The following CAMK2B variants were observed in gnomAD, a reference collection of about 807,000 sequenced individuals.
CAMK2B encodes calcium/calmodulin-dependent protein kinase type II subunit beta.
CAMK2B carries 27 observed loss-of-function variants against 93.7 expected under a neutral mutation model. That is an observed-to-expected ratio of 0.29 (90% CI 0.21 to 0.40). The LOEUF is 0.40. Among genes scored for constraint, CAMK2B ranks in the 10% least tolerant of loss-of-function variants. The probability of loss-of-function intolerance (pLI) is 1.00; values close to 1 mark genes in which losing one functional copy is unlikely to be tolerated. For missense variants in CAMK2B, 568 were observed against 895.8 expected (o/e 0.63, Z 4.67); for synonymous variants, 374 against 358.8 (o/e 1.04, Z -0.48).
At chr7:44,259,486 A>C (rs2096861927) in intron 3 of CAMK2B, 2 of 154,262 alleles carry the variant, frequency 1.3e-5, no homozygotes, top group Non-Finnish European at 2.9e-5. Flanking sequence ...ACATCATCCA[A>C]AATTTTGGGC....
intron 5 of CAMK2B, among the ~76,000 whole-genome samples, chr7:44,251,351 G>C (rs1393853586): frequency 1.3e-5 from 2 of 152,122 alleles, no homozygotes; most frequent in Admixed American, 6.5e-5. Flanking sequence ...GCCTCTGTCA[G>C]ACTCTCCACC....
At chr7:44,325,331 C>G in intron 1 of CAMK2B, 26 bp downstream of exon 1, 2 of 1,216,372 alleles carry the variant, frequency 1.6e-6, no homozygotes, top group Admixed American at 5.9e-5. Flanking sequence ...GTCCCCGGCC[C>G]AGCCCGCGCG....
Position 44,224,253 on chromosome 7 carries a change from ACCCCAGCTCAACCCAGC to A in CAMK2B, c.1597+2246_1597+2262del, listed in dbSNP as rs149144486. The stretch of plus-strand genomic sequence containing the variant: ...TGCCCTGCGGAATGGCGCTGCCCAG[ACCCCAGCTCAACCCAGC>A]CCCCACTCTGCCTCCCCACATAGCA... On this transcript the variant is annotated intron_variant, in intron 20 of 23. Transcript: ENST00000395749. This position sits in a 1 kb window ranked among gnomAD's most constrained non-coding sequence, Gnocchi z 4.4. 0.054 allele frequency among the ~76,000 whole-genome samples: 8,159 copies of A among 152,150 alleles called. 276 individuals are homozygous for A. The highest frequency in any genetic ancestry group is 0.086 in the East Asian group (443 of 5,168).
intron 1 of CAMK2B, among the ~76,000 whole-genome samples, chr7:44,293,341 T>C (rs1007183070): frequency 2.0e-5 from 3 of 152,244 alleles, no homozygotes; most frequent in Admixed American, 1.3e-4. Flanking sequence ...AATAAGCTCA[T>C]GACAAATTCC....
chr7:44,252,355 C>T (rs983275960), intron 5 of CAMK2B, among the ~76,000 whole-genome samples: 1 of 151,822 alleles, frequency 6.6e-6, no homozygotes, highest in African/African-American at 2.4e-5. Context: ...GACTCCTAAA[C>T]CACACAGGGG....
intron 16 of CAMK2B, among the ~76,000 whole-genome samples, chr7:44,231,519 C>T (rs1283780564): frequency 2.0e-5 from 3 of 152,216 alleles, no homozygotes; most frequent in African/African-American, 7.2e-5. Flanking sequence ...TTTGAAATTC[C>T]AAGACGTAAA....
intron 1 of CAMK2B, among the ~76,000 whole-genome samples, chr7:44,302,598 A>T (rs990637386): frequency 1.3e-5 from 2 of 152,204 alleles, no homozygotes; most frequent in Non-Finnish European, 2.9e-5. Context: ...GTCTTGTTCA[A>T]TATTCAAAAA....
intron 20 of CAMK2B, among the ~76,000 whole-genome samples, chr7:44,223,893 C>T (rs1054437316): frequency 5.9e-5 from 9 of 152,224 alleles, no homozygotes; most frequent in Admixed American, 5.2e-4. Context: ...GCCCCTCCCA[C>T]TCCACAGGGG....
intron 2 of CAMK2B, among the ~76,000 whole-genome samples, chr7:44,278,721 A>G (rs2097074742): frequency 6.6e-6 from 1 of 152,172 alleles, no homozygotes; most frequent in African/African-American, 2.4e-5. Flanking sequence ...GTCACCGCCC[A>G]CCCCAAGAGG....
At position 44,311,057 on chromosome 7, in the gene CAMK2B, A is replaced by C. The variant is rs1041829348; in HGVS notation, c.65+14300T>G. Among the ~76,000 whole-genome samples the C allele has an allele frequency of 4.6e-5, 7 of 152,134 alleles. No individual in the cohort carries two copies. The highest frequency in any genetic ancestry group is 1.7e-4 in the African/African-American group (7 of 41,422). On this transcript the variant is annotated intron_variant, in intron 1 of 23. Transcript: ENST00000395749. This position sits in a 1 kb window ranked among gnomAD's most constrained non-coding sequence, Gnocchi z 4.2. Reference sequence around the variant, plus strand: ...CTGGTACTTGCAATGCTGTCTTTAAAATCTGGTTTTTATTTTTATTATTTT... The same window carrying C: ...CTGGTACTTGCAATGCTGTCTTTAACATCTGGTTTTTATTTTTATTATTTT...
At chr7:44,267,665 G>A (rs920448549) in intron 2 of CAMK2B, among the ~76,000 whole-genome samples, 21 of 152,134 alleles carry the variant, frequency 1.4e-4, no homozygotes, top group Admixed American at 1.3e-3. Flanking sequence ...TAAGAGAGAC[G>A]CTGGCAAAAG....
At chr7:44,265,213 C>T (rs551789502) in intron 2 of CAMK2B, among the ~76,000 whole-genome samples, 11 of 152,366 alleles carry the variant, frequency 7.2e-5, no homozygotes, top group South Asian at 4.1e-4. Context: ...CTTCTTCTGA[C>T]GCGTGTGTAA....
intron 20 of CAMK2B, among the ~76,000 whole-genome samples, chr7:44,222,088 A>G (rs2096415113): frequency 6.6e-6 from 1 of 152,108 alleles, no homozygotes; most frequent in South Asian, 2.1e-4. Context: ...ACACTCACAC[A>G]CAGAACACAC....
chr7:44,282,135 C>T (rs1489854051), intron 2 of CAMK2B, among the ~76,000 whole-genome samples: 1 of 152,250 alleles, frequency 6.6e-6, no homozygotes, highest in Non-Finnish European at 1.5e-5. Flanking sequence ...CACCCTGTGA[C>T]AGGCAGGGAG....
intron 1 of CAMK2B, among the ~76,000 whole-genome samples, chr7:44,291,548 G>T (rs1425442654): frequency 1.3e-5 from 2 of 152,176 alleles, no homozygotes; most frequent in African/African-American, 4.8e-5. Context: ...AGCCTGGGCC[G>T]GCATCCAAGC....
intron 1 of CAMK2B, among the ~76,000 whole-genome samples, chr7:44,298,967 C>T (rs1350025143): frequency 6.6e-6 from 1 of 152,130 alleles, no homozygotes; most frequent in Non-Finnish European, 1.5e-5. Flanking sequence ...GTTGCAGCCA[C>T]TGTGAAAAAC....
chr7:44,252,643 C>T (rs937481691), intron 5 of CAMK2B, among the ~76,000 whole-genome samples: 8 of 152,116 alleles, frequency 5.3e-5, no homozygotes, highest in Non-Finnish European at 8.8e-5. Context: ...TGCCCCCACC[C>T]TTGCCCAGCA....
At chr7:44,242,707 T>C in intron 8 of CAMK2B, 53 bp from the exon 9 acceptor site, 2 of 1,275,968 alleles carry the variant, frequency 1.6e-6, no homozygotes, top group Non-Finnish European at 1.1e-6. Flanking sequence ...CCACCGTCCA[T>C]GAAGCCCATG....
Position 44,251,185 on chromosome 7 carries a change from G to A in CAMK2B, c.341+3357C>T, listed in dbSNP as rs147942634. The stretch of plus-strand genomic sequence containing the variant: ...TGCCTGGGTCTGGCCAGGAGGCCTC[G>A]GCCCATCCTGTCCCGCGCCTGTCCT... On this transcript the variant is annotated intron_variant, in intron 5 of 23. Coordinates refer to ENST00000395749, the MANE Select transcript of CAMK2B (RefSeq NM_001220.5). 2.3e-3 allele frequency among the ~76,000 whole-genome samples: 352 copies of A among 152,228 alleles called. 4 individuals are homozygous for A. The highest frequency in any genetic ancestry group is 8.1e-3 in the African/African-American group (338 of 41,530).
Sources: gnomAD v4.1 joint callset for allele counts (sites outside exome capture counted in the v4.1 genomes callset) on GRCh38, gnomAD v4.1.1 for gene constraint, Gnocchi (gnomAD v3.1) non-coding constraint, MANE v1.5 for transcripts, NCBI Gene and HGNC (gene_info 2026-07-23, HGNC 2026-07-21) for gene names.